The following EDA variants were observed in gnomAD, a reference collection of about 807,000 sequenced individuals.
The protein encoded by EDA is ectodysplasin A, also known as ectodysplasin-A.
A neutral mutation model predicts 23.6 loss-of-function variants in EDA; 2 were observed. The observed-to-expected ratio is 0.08, with a 90% CI of 0.03 to 0.27. The LOEUF is 0.27. Ranked by LOEUF, EDA falls within the 10% of genes least tolerant of loss-of-function variation. EDA has a pLI of 1.00. For missense variants in EDA, 229 were observed against 324.2 expected, an observed-to-expected ratio of 0.71 and a Z score of 2.26; for synonymous variants, 131 against 132.0, an observed-to-expected ratio of 0.99 and a Z score of 0.05.
At chrX:69,752,141 C>T (rs1472024179) in intron 1 of EDA, among the ~76,000 whole-genome samples, 2 of 111,212 alleles carry the variant, frequency 1.8e-5, no homozygotes, top group Non-Finnish European at 3.8e-5. Flanking sequence ...GAGAGGACAT[C>T]CCTGTCTTGT....
chrX:69,802,806 CAAAAG>C (rs1208672768), intron 1 of EDA, among the ~76,000 whole-genome samples: 1 of 111,279 alleles, frequency 9.0e-6, no homozygotes, highest in African/African-American at 3.3e-5. Flanking sequence ...TTATTGAAGT[CAAAAG>C]AAAAATACGC....
chrX:69,769,713 C>T (rs2014572024), intron 1 of EDA, among the ~76,000 whole-genome samples: 5 of 111,072 alleles, frequency 4.5e-5, no homozygotes, highest in Non-Finnish European at 9.4e-5. Context: ...GTTTATAGCA[C>T]ACACAACAAG....
intron 2 of EDA, among the ~76,000 whole-genome samples, chrX:69,970,985 C>T (rs988061790): frequency 8.9e-6 from 1 of 111,947 alleles, no homozygotes. Context: ...TAAAATATTT[C>T]ATATGGATTT....
Position 69,957,136 on chromosome X carries a change from A to G in EDA, c.502+4A>G, listed in dbSNP as rs754524391. The G allele has an allele frequency of 1.7e-6, 2 of 1,182,021 alleles. No homozygotes were observed. Among genetic ancestry groups the G allele is most frequent in the Non-Finnish European group, 2.3e-6 (2 of 868,269 alleles). On this transcript the variant is annotated splice_donor_region_variant and intron_variant, in intron 2 of 7. Coordinates refer to ENST00000374552, the MANE Select transcript of EDA (RefSeq NM_001399.5). ...AAAAGCAATGAAGGAGCAGATGGTA[A>G]GTCTACTCAGTTGATCCTTTATCAC...
intron 1 of EDA, among the ~76,000 whole-genome samples, chrX:69,725,405 C>T (rs927156307): frequency 2.7e-5 from 3 of 112,206 alleles, no homozygotes; most frequent in Non-Finnish European, 5.6e-5. Flanking sequence ...ATATTCTTGA[C>T]TTATCTAAAA....
At chrX:69,628,467 A>T (rs922103293) in intron 1 of EDA, among the ~76,000 whole-genome samples, 1 of 111,472 alleles carries the variant, frequency 9.0e-6, no homozygotes, top group South Asian at 3.8e-4. Context: ...GGGGGATTGT[A>T]TCCTCAAGAC....
At chrX:69,721,903 A>G (rs1284398504) in intron 1 of EDA, among the ~76,000 whole-genome samples, 1 of 111,594 alleles carries the variant, frequency 9.0e-6, no homozygotes, top group African/African-American at 3.3e-5. Flanking sequence ...AGTCTTTTTA[A>G]TAATGTATTC....
intron 1 of EDA, chrX:69,670,375 A>G (rs1933848567): frequency 3.2e-6 from 1 of 311,103 alleles, no homozygotes; most frequent in African/African-American, 2.8e-5. Flanking sequence ...TGTACCTTAG[A>G]GAGGGCCCCT....
At chrX:69,880,042 C>A (rs1268504963) in intron 1 of EDA, among the ~76,000 whole-genome samples, 1 of 111,992 alleles carries the variant, frequency 8.9e-6, no homozygotes, top group Non-Finnish European at 1.9e-5. Context: ...AATAAAGTGG[C>A]ATATTGTATC....
intron 1 of EDA, among the ~76,000 whole-genome samples, chrX:69,710,219 A>G (rs1428649976): frequency 1.8e-5 from 2 of 110,287 alleles, no homozygotes; most frequent in Non-Finnish European, 3.8e-5. Flanking sequence ...ACATATGGCT[A>G]GCCAGTTTTC....
rs190785751 is a variant in EDA, at chrX:69,708,595, C to T, written c.396+91891C>T. On this transcript the variant is annotated intron_variant, in intron 1 of 7. Coordinates refer to ENST00000374552, the MANE Select transcript of EDA (RefSeq NM_001399.5). Reference sequence around the variant, plus strand: ...CCTTCACTTGCAGGGACATCTTCTACGGCCCTATAACTAATTTTGTATTTG... The same window carrying T: ...CCTTCACTTGCAGGGACATCTTCTATGGCCCTATAACTAATTTTGTATTTG... Among the ~76,000 whole-genome samples the T allele has an allele frequency of 7.2e-5, 8 of 110,754 alleles. No homozygotes were observed. The Middle Eastern group carries it at 0.014, about 190-fold the overall frequency.
Position 69,713,221 on chromosome X carries a change from A to T in EDA, c.396+96517A>T, listed in dbSNP as rs190474392. Among the ~76,000 whole-genome samples the T allele has an allele frequency of 7.1e-5, 8 of 112,472 alleles. No individual in the cohort carries two copies. In the East Asian group the frequency reaches 2.2e-3, roughly 31 times the overall value. On this transcript the variant is annotated intron_variant, in intron 1 of 7. Coordinates refer to ENST00000374552, the MANE Select transcript of EDA (RefSeq NM_001399.5). ...AAAACTTAAAGTATATTTTAAAAAG[A>T]GGAAAATTGTAGATTCACAGCAATT... is the stretch of plus-strand genomic sequence containing the variant.
intron 1 of EDA, among the ~76,000 whole-genome samples, chrX:69,792,432 A>T (rs187612810): frequency 9.2e-4 from 103 of 111,923 alleles, no homozygotes; most frequent in Non-Finnish European, 4.3e-4. Context: ...ATAAATATGG[A>T]TGTGCATGTG....
chrX:69,792,635 C>T (rs1033699042), intron 1 of EDA, among the ~76,000 whole-genome samples: 1 of 112,055 alleles, frequency 8.9e-6, no homozygotes, highest in Admixed American at 9.4e-5. Flanking sequence ...CAACATCTAT[C>T]GTTTTTGACC....
intron 1 of EDA, among the ~76,000 whole-genome samples, chrX:69,783,571 AATG>A (rs2015031664): frequency 1.8e-5 from 2 of 110,243 alleles, no homozygotes; most frequent in Admixed American, 9.7e-5. Context: ...GTTTACTGAG[AATG>A]ATGATTTCCA....
intron 1 of EDA, among the ~76,000 whole-genome samples, chrX:69,795,724 G>C (rs1313084247): frequency 8.9e-6 from 1 of 112,682 alleles, no homozygotes. Context: ...TGTCACCTCT[G>C]AAGGCAGCTG....
At chrX:69,685,135 A>G (rs1026181307) in intron 1 of EDA, among the ~76,000 whole-genome samples, 2 of 112,202 alleles carry the variant, frequency 1.8e-5, no homozygotes, top group Admixed American at 9.5e-5. Flanking sequence ...AAGTCTTTCA[A>G]TGGCTACCCA....
intron 1 of EDA, among the ~76,000 whole-genome samples, chrX:69,843,115 G>A (rs1348034494): frequency 8.9e-6 from 1 of 112,225 alleles, no homozygotes; most frequent in Non-Finnish European, 1.9e-5. Flanking sequence ...AAATAAATGT[G>A]CAAACGAATA....
chrX:69,885,992 T>A (rs1479453181), intron 1 of EDA, among the ~76,000 whole-genome samples: 1 of 111,924 alleles, frequency 8.9e-6, no homozygotes, highest in East Asian at 2.8e-4. Flanking sequence ...CACATAAGGA[T>A]CCAGAGGGAG....
Sources: gnomAD v4.1 joint callset for allele counts (sites outside exome capture counted in the v4.1 genomes callset) on GRCh38, gnomAD v4.1.1 for gene constraint, MANE v1.5 for transcripts, NCBI Gene and HGNC (gene_info 2026-07-23, HGNC 2026-07-21) for gene names.